Variants in BCAR3 observed in about 807,000 individuals in gnomAD.
BCAR3 encodes the protein BCAR3 adaptor protein, NSP family member.
In BCAR3, 37 loss-of-function variants were observed where a neutral mutation model predicts 80.1. That is an observed-to-expected ratio of 0.46 (90% CI 0.36 to 0.61). The LOEUF (loss-of-function observed/expected upper bound fraction) is 0.61. Ranked by LOEUF, BCAR3 falls within the 20% of genes least tolerant of loss-of-function variation. BCAR3 has a pLI of 0.00. For missense variants in BCAR3, 978 were observed against 1,068.2 expected, an observed-to-expected ratio of 0.92 and a Z score of 1.18; for synonymous variants, 389 against 418.9, an observed-to-expected ratio of 0.93 and a Z score of 0.87.
chr1:93,843,636 A>G (rs1373454669), intron 2 of BCAR3, among the ~76,000 whole-genome samples: 1 of 152,138 alleles, frequency 6.6e-6, no homozygotes, highest in Non-Finnish European at 1.5e-5. Context: ...CTTTTTAGGT[A>G]TGTTTTATTA....
At chr1:93,790,864 T>A (rs1653130032) in intron 2 of BCAR3, among the ~76,000 whole-genome samples, 1 of 81,034 alleles carries the variant, frequency 1.2e-5, no homozygotes, top group Non-Finnish European at 2.2e-5. Context: ...CCATGTGATC[T>A]CATTGTTCAA....
intron 2 of BCAR3, among the ~76,000 whole-genome samples, chr1:93,778,424 T>C (rs1292082769): frequency 6.6e-6 from 1 of 152,224 alleles, no homozygotes; most frequent in Admixed American, 6.5e-5. Context: ...ATTAGCCTAA[T>C]TACTTATTTG....
intron 2 of BCAR3, among the ~76,000 whole-genome samples, chr1:93,755,219 C>T: frequency 6.6e-6 from 1 of 152,118 alleles, no homozygotes; most frequent in East Asian, 1.9e-4. Context: ...AAAAATAAAA[C>T]ATTTATAAAG....
intron 2 of BCAR3, among the ~76,000 whole-genome samples, chr1:93,771,404 G>T (rs1652351559): frequency 6.6e-6 from 1 of 152,180 alleles, no homozygotes; most frequent in African/African-American, 2.4e-5. Context: ...ACCTGGAAAA[G>T]CATCTGCTTT....
intron 2 of BCAR3, among the ~76,000 whole-genome samples, chr1:93,666,778 T>C (rs1647937385): frequency 1.3e-5 from 2 of 152,224 alleles, no homozygotes; most frequent in Non-Finnish European, 2.9e-5. Context: ...GTAGTTGTTA[T>C]ACCTATAAAC....
intron 2 of BCAR3, among the ~76,000 whole-genome samples, chr1:93,739,475 T>TA (rs1304561090): frequency 6.6e-6 from 1 of 152,160 alleles, no homozygotes; most frequent in Non-Finnish European, 1.5e-5. Flanking sequence ...TATTCTAAAA[T>TA]AAAAAATGAC....
intron 2 of BCAR3, among the ~76,000 whole-genome samples, chr1:93,838,904 G>A (rs1654862400): frequency 1.3e-5 from 2 of 152,212 alleles, no homozygotes. Flanking sequence ...GAAATAAGGA[G>A]CATCCCAGTG....
intron 2 of BCAR3, among the ~76,000 whole-genome samples, chr1:93,713,713 C>A (rs1016180078): frequency 6.6e-6 from 1 of 150,732 alleles, no homozygotes; most frequent in Non-Finnish European, 1.5e-5. Flanking sequence ...AACTGAAATG[C>A]CATTTTTTTT....
intron 3 of BCAR3, among the ~76,000 whole-genome samples, chr1:93,624,591 A>G (rs1378999240): frequency 6.6e-6 from 1 of 152,120 alleles, no homozygotes; most frequent in Non-Finnish European, 1.5e-5. Context: ...TGGCCTCATG[A>G]CCCATGTCTT....
intron 2 of BCAR3, among the ~76,000 whole-genome samples, chr1:93,762,092 A>G (rs910597699): frequency 2.0e-5 from 3 of 152,214 alleles, no homozygotes; most frequent in African/African-American, 7.2e-5. Flanking sequence ...TCTAAGTATC[A>G]CAAAGTACCT....
At position 93,724,331 on chromosome 1, in the gene BCAR3, T is replaced by C. The variant is rs376260925; in HGVS notation, c.-62-18189A>G. ...ATGGACTTCCGAAAGGCTGCGTCCATTACTGGCCTGCAGTGCCTTCCTGGT... is the reference window on the plus strand; with the variant it reads ...ATGGACTTCCGAAAGGCTGCGTCCACTACTGGCCTGCAGTGCCTTCCTGGT... On this transcript the variant is annotated intron_variant, in intron 2 of 13. Transcript: ENST00000370244. 2.2e-4 allele frequency among the ~76,000 whole-genome samples: 33 copies of C among 152,288 alleles called. No homozygotes were observed. In the East Asian group the frequency reaches 4.4e-3, roughly 21 times the overall value.
intron 2 of BCAR3, among the ~76,000 whole-genome samples, chr1:93,773,380 C>A (rs997316221): frequency 6.6e-6 from 1 of 152,156 alleles, no homozygotes; most frequent in South Asian, 2.1e-4. Flanking sequence ...TGGAGCTGAA[C>A]TAGTTCAGAA....
intron 5 of BCAR3, among the ~76,000 whole-genome samples, chr1:93,587,072 G>A (rs1029398128): frequency 2.6e-5 from 4 of 152,326 alleles, no homozygotes; most frequent in South Asian, 4.1e-4. Flanking sequence ...ACCATGCCCA[G>A]CCCATTTGTA....
intron 9 of BCAR3, chr1:93,568,122 G>A (rs1340025610): frequency 1.8e-5 from 6 of 328,730 alleles, no homozygotes; most frequent in Non-Finnish European, 5.8e-6. Flanking sequence ...GGAGGCGGAG[G>A]TTGCAATGAG....
At chr1:93,719,915 A>G (rs1467022358) in intron 2 of BCAR3, among the ~76,000 whole-genome samples, 1 of 152,134 alleles carries the variant, frequency 6.6e-6, no homozygotes, top group African/African-American at 2.4e-5. Context: ...TTTATTTTAG[A>G]GACAGAATCT....
chr1:93,834,227 C>T (rs1052505399), intron 2 of BCAR3, among the ~76,000 whole-genome samples: 1 of 152,116 alleles, frequency 6.6e-6, no homozygotes, highest in African/African-American at 2.4e-5. Context: ...CTTACAATTC[C>T]CTCATTTTAC....
chr1:93,819,743 A>G (rs1041929763), intron 2 of BCAR3, among the ~76,000 whole-genome samples: 4 of 152,050 alleles, frequency 2.6e-5, no homozygotes, highest in Admixed American at 2.6e-4. Flanking sequence ...ATATATTTCC[A>G]GTTATTTATT....
In BCAR3 at chr1:93,583,980, A is replaced by G. The variant is rs765732249; in HGVS notation, c.1033+38T>C. On this transcript the variant is annotated intron_variant, in intron 6 of 11. Transcript: ENST00000260502. ...GTAACAGCCTGAAGGAAACCAGGGTAACACTGACGTTCTCCCTGAAAATTC... is the reference window on the plus strand; with the variant it reads ...GTAACAGCCTGAAGGAAACCAGGGTGACACTGACGTTCTCCCTGAAAATTC... 6 of 1,582,982 alleles carry G rather than the reference A, an allele frequency of 3.8e-6. No individual in the cohort carries two copies. The South Asian group carries it at 4.4e-5, about 12-fold the overall frequency.
intron 3 of BCAR3, among the ~76,000 whole-genome samples, chr1:93,603,388 T>C (rs1674680710): frequency 6.6e-6 from 1 of 152,236 alleles, no homozygotes; most frequent in African/African-American, 2.4e-5. Flanking sequence ...TAAAGTGTCC[T>C]GAGGAAAGGG....
Sources: gnomAD v4.1 joint callset for allele counts (sites outside exome capture counted in the v4.1 genomes callset) on GRCh38, gnomAD v4.1.1 for gene constraint, MANE v1.5 for transcripts, NCBI Gene and HGNC (gene_info 2026-07-23, HGNC 2026-07-21) for gene names.